The following SDCCAG8 variants were observed in gnomAD, a reference collection of about 807,000 sequenced individuals.
SDCCAG8 encodes the protein SHH signaling and ciliogenesis regulator SDCCAG8, also known as serologically defined colon cancer antigen 8.
Under a neutral mutation model 101.8 loss-of-function variants are expected in SDCCAG8, and 74 were observed. That is an observed-to-expected ratio of 0.73 (90% confidence interval 0.60 to 0.88). The LOEUF is 0.88. Ranked by LOEUF, SDCCAG8 falls within the 40% of genes least tolerant of loss-of-function variation. The probability of loss-of-function intolerance (pLI) is 0.00; values close to 1 mark genes in which losing one functional copy is unlikely to be tolerated. For missense variants in SDCCAG8, 787 were observed against 822.6 expected (o/e 0.96, Z 0.53); for synonymous variants, 281 against 292.9 (o/e 0.96, Z 0.41).
In SDCCAG8 at chr1:243,353,490, CAAAAAAAAAAAAAAAAA is replaced by C. The variant is rs542632635; in HGVS notation, c.1473+9176_1473+9192del. The stretch of plus-strand genomic sequence containing the variant: ...TGGGCAGCAGAGCAAGATTCCATCT[CAAAAAAAAAAAAAAAAA>C]AAAAAAAAAAAAAAAAGAATGTTGC... On this transcript the variant is annotated intron_variant, in intron 12 of 17. Transcript: ENST00000366541. Among the ~76,000 whole-genome samples, 9 of 27,614 alleles carry C rather than the reference CAAAAAAAAAAAAAAAAA, an allele frequency of 3.3e-4. No homozygotes were observed. In the East Asian group the frequency reaches 8.4e-3, roughly 26 times the overall value. The allele number at this position is 27,614 out of a possible 152,430, so 18.1% of individuals were successfully genotyped here.
chr1:243,444,333 A>C (rs552614101), intron 16 of SDCCAG8, among the ~76,000 whole-genome samples: 1 of 150,892 alleles, frequency 6.6e-6, no homozygotes, highest in African/African-American at 2.4e-5. Flanking sequence ...ACTTTATTTT[A>C]GTTCTGTTGC....
At chr1:243,484,281 A>G (rs1664341219) in intron 16 of SDCCAG8, among the ~76,000 whole-genome samples, 1 of 152,218 alleles carries the variant, frequency 6.6e-6, no homozygotes, top group Non-Finnish European at 1.5e-5. Context: ...CACAGCTTGC[A>G]GTTTCCAGAC....
At chr1:243,377,127 G>T (rs2077643811) in intron 12 of SDCCAG8, among the ~76,000 whole-genome samples, 1 of 152,002 alleles carries the variant, frequency 6.6e-6, no homozygotes, top group Non-Finnish European at 1.5e-5. Flanking sequence ...CATTTACCCA[G>T]ATGAATTATT....
chr1:243,322,998 G>A (rs1377734546), intron 9 of SDCCAG8, among the ~76,000 whole-genome samples: 1 of 151,998 alleles, frequency 6.6e-6, no homozygotes, highest in Non-Finnish European at 1.5e-5. Context: ...AACTGGGCAT[G>A]GTGGTGTGCG....
At chr1:243,342,476 G>T (rs1337500420) in intron 11 of SDCCAG8, among the ~76,000 whole-genome samples, 1 of 152,226 alleles carries the variant, frequency 6.6e-6, no homozygotes, top group Admixed American at 6.5e-5. Context: ...GCAGGGAACT[G>T]TAGGAGTGAA....
chr1:243,332,730 C>T (rs377728563), intron 10 of SDCCAG8, among the ~76,000 whole-genome samples: 10 of 151,122 alleles, frequency 6.6e-5, no homozygotes, highest in Middle Eastern at 3.4e-3. Flanking sequence ...AGGTGATTTT[C>T]GCGGTCCAGG....
chr1:243,272,820 C>A (rs572691736), intron 3 of SDCCAG8, among the ~76,000 whole-genome samples: 1 of 152,236 alleles, frequency 6.6e-6, no homozygotes, highest in East Asian at 1.9e-4. Context: ...CTTTAGAATG[C>A]ACTTTCATAG....
intron 16 of SDCCAG8, among the ~76,000 whole-genome samples, chr1:243,438,868 G>A (rs900680244): frequency 2.6e-5 from 4 of 152,088 alleles, no homozygotes; most frequent in African/African-American, 7.2e-5. Context: ...GATTTTGCTC[G>A]CATTATCCAA....
chr1:243,445,991 G>A (rs1375164816), intron 16 of SDCCAG8, among the ~76,000 whole-genome samples: 1 of 152,180 alleles, frequency 6.6e-6, no homozygotes, highest in Non-Finnish European at 1.5e-5. Context: ...GCTGACTTTA[G>A]GAAGTAGAGC....
intron 16 of SDCCAG8, chr1:243,487,684 G>C (rs3006924): frequency 0.25 from 37,929 of 152,230 alleles, 4,953 homozygotes; most frequent in East Asian, 0.35. Flanking sequence ...GACAGGCAAG[G>C]GGGGCGGTGG....
At chr1:243,385,218 C>T (rs772125916) in intron 13 of SDCCAG8, among the ~76,000 whole-genome samples, 27 of 151,854 alleles carry the variant, frequency 1.8e-4, no homozygotes, top group Non-Finnish European at 1.5e-4. Flanking sequence ...GGCGAAACCC[C>T]ATCTCCACAA....
intron 1 of SDCCAG8, 102 bp downstream of exon 1, chr1:243,256,342 C>A: frequency 1.1e-6 from 1 of 902,024 alleles, no homozygotes; most frequent in Non-Finnish European, 1.9e-6. Flanking sequence ...CTGCCCCGTC[C>A]ACGCTACAGA....
intron 8 of SDCCAG8, among the ~76,000 whole-genome samples, chr1:243,310,700 G>A (rs1243018503): frequency 2.0e-5 from 3 of 152,106 alleles, no homozygotes; most frequent in Non-Finnish European, 4.4e-5. Flanking sequence ...TTAAAAGGCT[G>A]AGAAAAAATA....
rs532594120 is a variant in SDCCAG8, at chr1:243,389,365, T to A, written c.1616+10502T>A. Among the ~76,000 whole-genome samples the A allele has an allele frequency of 2.2e-4, 34 of 152,274 alleles. No individual in the cohort carries two copies. In the South Asian group the frequency reaches 5.6e-3, roughly 25 times the overall value. On this transcript the variant is annotated intron_variant, in intron 13 of 17. Transcript: ENST00000366541. Reference sequence around the variant, plus strand: ...CTTTGTTGTTTTACTTAGAAAACTCTTAGAATATAAAAAGAAAGAAGCACA... The same window carrying A: ...CTTTGTTGTTTTACTTAGAAAACTCATAGAATATAAAAAGAAAGAAGCACA...
chr1:243,286,043 C>T (rs1255772763), intron 4 of SDCCAG8, among the ~76,000 whole-genome samples: 1 of 152,200 alleles, frequency 6.6e-6, no homozygotes, highest in Non-Finnish European at 1.5e-5. Flanking sequence ...TTGTCAGAAA[C>T]GACACACTTC....
intron 16 of SDCCAG8, among the ~76,000 whole-genome samples, chr1:243,448,557 G>A (rs960097811): frequency 2.6e-5 from 4 of 152,140 alleles, no homozygotes; most frequent in African/African-American, 4.8e-5. Flanking sequence ...CCGGGTGCTC[G>A]TGCCTGAAAG....
chr1:243,444,454 C>T (rs2082763948), intron 16 of SDCCAG8, among the ~76,000 whole-genome samples: 1 of 151,904 alleles, frequency 6.6e-6, no homozygotes, highest in Admixed American at 6.6e-5. Context: ...TCACTGCAAC[C>T]TTCACCTCCC....
intron 4 of SDCCAG8, among the ~76,000 whole-genome samples, chr1:243,278,266 GC>G (rs2149273587): frequency 6.6e-6 from 1 of 152,196 alleles, no homozygotes; most frequent in Admixed American, 6.5e-5. Context: ...TGTCACCCAG[GC>G]TGGAGTGCAA....
chr1:243,344,297 CAA>C lies in SDCCAG8; in HGVS notation c.1443_1444del (p.Lys481AsnfsTer2), dbSNP rs587777847. On this transcript the variant is annotated frameshift_variant, in exon 12 of 18. Coordinates refer to ENST00000366541, the MANE Select transcript of SDCCAG8 (RefSeq NM_006642.5). LOFTEE classifies it high-confidence loss of function. ...GAAAAGGAGCACAGAGAGTTCAGAG[CAA>C]AAACTAACAGGGATCTTGAAATTAA... 1 of 1,613,670 alleles carries C rather than the reference CAA, an allele frequency of 6.2e-7. No homozygotes were observed. Among genetic ancestry groups the C allele is most frequent in the Non-Finnish European group, 8.5e-7 (1 of 1,179,728 alleles).
Sources: gnomAD v4.1 joint callset for allele counts (sites outside exome capture counted in the v4.1 genomes callset) on GRCh38, gnomAD v4.1.1 for gene constraint, MANE v1.5 for transcripts, NCBI Gene and HGNC (gene_info 2026-07-23, HGNC 2026-07-21) for gene names.